The following COL5A2 variants were observed in gnomAD, a reference collection of about 807,000 sequenced individuals.
COL5A2 encodes collagen type V alpha 2 chain, also known as collagen alpha-2(V) chain.
Under a neutral mutation model 208.2 loss-of-function variants are expected in COL5A2, and 23 were observed. The observed-to-expected ratio is 0.11, with a 90% CI of 0.08 to 0.16. COL5A2 has a LOEUF of 0.16. Among genes scored for constraint, COL5A2 ranks in the 10% least tolerant of loss-of-function variants. COL5A2 has a pLI of 1.00. For synonymous variants in COL5A2, 625 were observed against 628.5 expected (o/e 0.99, Z 0.08); for missense variants, 1,590 against 1,956.4 (o/e 0.81, Z 3.53).
At chr2:189,252,796 T>TA in the COL5A2 span, among the ~76,000 whole-genome samples, 1 of 151,874 alleles carries the variant, frequency 6.6e-6, no homozygotes, top group Admixed American at 6.6e-5. Flanking sequence ...CTTTTAAACA[T>TA]AAAAAATAAA....
the COL5A2 span, among the ~76,000 whole-genome samples, chr2:189,342,254 A>G: frequency 2.0e-5 from 3 of 150,378 alleles, no homozygotes; most frequent in Non-Finnish European, 4.4e-5. Context: ...GATAAATAGA[A>G]CAAATGATGA....
At chr2:189,059,027 A>T in intron 31 of COL5A2, 134 bp from the exon 32 acceptor site, 1 of 677,600 alleles carries the variant, frequency 1.5e-6, no homozygotes, top group Non-Finnish European at 2.6e-6. Flanking sequence ...AATTTAAAGA[A>T]AGAAAAGTAC....
chr2:189,235,150 A>C, the COL5A2 span, among the ~76,000 whole-genome samples: 1 of 151,680 alleles, frequency 6.6e-6, no homozygotes, highest in African/African-American at 2.4e-5. Context: ...CTCAGTAGCC[A>C]CATGAGTCCA....
At chr2:189,151,994 C>T (rs1379410090) in intron 1 of COL5A2, among the ~76,000 whole-genome samples, 1 of 152,120 alleles carries the variant, frequency 6.6e-6, no homozygotes, top group Non-Finnish European at 1.5e-5. Flanking sequence ...AAAAATTAAT[C>T]TCTGTTTTTG....
chr2:189,057,290 GAAAAAAAAAAAA>G lies in COL5A2; in HGVS notation c.2337+18_2337+29del, dbSNP rs34715449. 9.9e-6 allele frequency: 7 copies of G among 710,654 alleles called. No individual in the cohort carries two copies. The African/African-American group carries it at 1.4e-4, about 14-fold the overall frequency. The allele number at this position is 710,654 out of a possible 1,614,324, so 44.0% of individuals were successfully genotyped here. On this transcript the variant is annotated intron_variant, in intron 34 of 53. Transcript: ENST00000374866. ...AGCAGAAAGTCTGAATAAATGAACT[GAAAAAAAAAAAA>G]AAAAAAAAAGGACTTACTCTGTCAC...
At chr2:189,314,409 CACACCAG>C in the COL5A2 span, among the ~76,000 whole-genome samples, 1 of 152,110 alleles carries the variant, frequency 6.6e-6, no homozygotes, top group African/African-American at 2.4e-5. Flanking sequence ...AAAGATACAA[CACACCAG>C]AGTCTCTGGG....
At chr2:189,342,102 G>A in the COL5A2 span, among the ~76,000 whole-genome samples, 12 of 150,852 alleles carry the variant, frequency 8.0e-5, no homozygotes, top group East Asian at 2.3e-3. Flanking sequence ...AATAAGTCAA[G>A]TCTTTTAATT....
the COL5A2 span, among the ~76,000 whole-genome samples, chr2:189,248,680 C>A: frequency 6.6e-6 from 1 of 151,982 alleles, no homozygotes; most frequent in Non-Finnish European, 1.5e-5. Flanking sequence ...TGATTTTATC[C>A]TTTTTTCCCT....
At chr2:189,411,199 T>C in the COL5A2 span, among the ~76,000 whole-genome samples, 9 of 152,160 alleles carry the variant, frequency 5.9e-5, no homozygotes, top group Non-Finnish European at 1.3e-4. Context: ...TATCACCTTC[T>C]CTGTAAAGTC....
chr2:189,106,988 G>C (rs1687163551), intron 2 of COL5A2, among the ~76,000 whole-genome samples: 1 of 151,134 alleles, frequency 6.6e-6, no homozygotes, highest in South Asian at 2.1e-4. Flanking sequence ...ATTTTATTTA[G>C]AATTGTAAAA....
chr2:189,125,442 G>T (rs942357260), intron 1 of COL5A2, among the ~76,000 whole-genome samples: 1 of 152,042 alleles, frequency 6.6e-6, no homozygotes, highest in Non-Finnish European at 1.5e-5. Flanking sequence ...GAGCAACACA[G>T]GTTTGAACTG....
chr2:189,326,830 G>A, the COL5A2 span, among the ~76,000 whole-genome samples: 1 of 151,898 alleles, frequency 6.6e-6, no homozygotes, highest in East Asian at 1.9e-4. Flanking sequence ...AAGCACTTTG[G>A]GAGGCTGAGG....
At chr2:189,383,849 A>T in the COL5A2 span, among the ~76,000 whole-genome samples, 8 of 152,046 alleles carry the variant, frequency 5.3e-5, no homozygotes, top group Admixed American at 1.3e-4. Context: ...AAACACTATA[A>T]CCTATTCCTT....
chr2:189,064,615 G>A lies in COL5A2; in HGVS notation c.1658C>T (p.Pro553Leu), dbSNP rs149203102. The A allele has an allele frequency of 1.2e-5, 20 of 1,613,724 alleles. No individual in the cohort carries two copies. The African/African-American group carries it at 1.6e-4, about 13-fold the overall frequency. The change falls in exon 25 of 54, where the codon CCC (proline) becomes CTC (leucine). Residue 553 changes from proline (P) to leucine (L), a missense_variant. Coordinates refer to ENST00000374866, the MANE Select transcript of COL5A2 (RefSeq NM_000393.5). ...TCCTGGATCCCCCTGGCTTCCTTTG[G>A]GTCCTGAAGAACCTACAGGACCCCG... ...GERGPVGSSG[P>L]KGSQGDPGRP...
the COL5A2 span, among the ~76,000 whole-genome samples, chr2:189,235,276 T>C: frequency 6.6e-6 from 1 of 151,842 alleles, no homozygotes; most frequent in African/African-American, 2.4e-5. Context: ...AGAGGAGAAC[T>C]ATCAGAAAAA....
At chr2:189,077,689 T>G (rs1686440188) in intron 16 of COL5A2, among the ~76,000 whole-genome samples, 1 of 152,228 alleles carries the variant, frequency 6.6e-6, no homozygotes, top group South Asian at 2.1e-4. Flanking sequence ...AAGAATGGCC[T>G]GGTGAGAGGG....
At chr2:189,134,810 A>G (rs1687796073) in intron 1 of COL5A2, among the ~76,000 whole-genome samples, 1 of 152,238 alleles carries the variant, frequency 6.6e-6, no homozygotes, top group South Asian at 2.1e-4. Context: ...CTTGGCTAAA[A>G]TCAGGAAAAT....
chr2:189,125,018 T>C (rs1687580976), intron 1 of COL5A2, among the ~76,000 whole-genome samples: 1 of 152,164 alleles, frequency 6.6e-6, no homozygotes, highest in Non-Finnish European at 1.5e-5. Context: ...GATATTCTTA[T>C]AGTGTTAATG....
chr2:189,259,749 G>C, the COL5A2 span, among the ~76,000 whole-genome samples: 6 of 152,186 alleles, frequency 3.9e-5, no homozygotes, highest in Admixed American at 3.9e-4. Context: ...GCAGAGTTCA[G>C]AAGGCCTGGA....
Sources: gnomAD v4.1 joint callset for allele counts (sites outside exome capture counted in the v4.1 genomes callset) on GRCh38, gnomAD v4.1.1 for gene constraint, MANE v1.5 for transcripts, NCBI Gene and HGNC (gene_info 2026-07-23, HGNC 2026-07-21) for gene names.